The following MTCL2 variants were observed in gnomAD, a reference collection of about 807,000 sequenced individuals.
The protein encoded by MTCL2 is microtubule crosslinking factor 2, also known as microtubule cross-linking factor 2.
At chr20:36,842,054 G>A in the MTCL2 span, among the ~76,000 whole-genome samples, 3 of 152,252 alleles carry the variant, frequency 2.0e-5, no homozygotes, top group South Asian at 6.2e-4. Flanking sequence ...TAAGCAGAGA[G>A]GGTAAGAGTA....
At chr20:36,781,160 T>TTTGA in the MTCL2 span, 1 of 152,210 alleles carries the variant, frequency 6.6e-6, no homozygotes, top group Admixed American at 6.5e-5. Context: ...CCTGAGTAAT[T>TTTGA]AAATCAGTTT....
At chr20:36,820,791 G>A in the MTCL2 span, among the ~76,000 whole-genome samples, 4 of 150,864 alleles carry the variant, frequency 2.7e-5, no homozygotes, top group African/African-American at 7.3e-5. Flanking sequence ...GCAGTGAGCC[G>A]AGATCACACC....
the MTCL2 span, chr20:36,786,075 A>C: frequency 1.0e-6 from 1 of 987,166 alleles, no homozygotes; most frequent in African/African-American, 1.7e-5. Context: ...GTGGATGGTC[A>C]GCAGGAAACA....
chr20:36,852,368 C>A, the MTCL2 span, among the ~76,000 whole-genome samples: 1 of 152,202 alleles, frequency 6.6e-6, no homozygotes, highest in East Asian at 1.9e-4. Context: ...CCGGCAGTGG[C>A]CACAGGGGCG....
At chr20:36,840,795 G>A in the MTCL2 span, among the ~76,000 whole-genome samples, 11 of 151,896 alleles carry the variant, frequency 7.2e-5, no homozygotes, top group African/African-American at 1.9e-4. Flanking sequence ...GCAGTGAGCC[G>A]AGATCGCACC....
At chr20:36,858,725 G>A in the MTCL2 span, among the ~76,000 whole-genome samples, 30 of 152,234 alleles carry the variant, frequency 2.0e-4, no homozygotes, top group African/African-American at 7.0e-4. Context: ...ATGTTTTCTT[G>A]TCTATTCACA....
chr20:36,811,358 G>A, the MTCL2 span, among the ~76,000 whole-genome samples: 1 of 152,218 alleles, frequency 6.6e-6, no homozygotes, highest in Non-Finnish European at 1.5e-5. Flanking sequence ...GCAGGGCACA[G>A]TGGCTCACGC....
chr20:36,817,290 G>GA, the MTCL2 span: 3 of 691,882 alleles, frequency 4.3e-6, no homozygotes, highest in South Asian at 2.2e-5. Context: ...AAAAAGAAAA[G>GA]AAAAAAAGGA....
the MTCL2 span, chr20:36,797,437 A>G: frequency 2.0e-6 from 3 of 1,514,456 alleles, no homozygotes; most frequent in Non-Finnish European, 2.7e-6. Flanking sequence ...CATGTCCCCC[A>G]CAAGCAGGGA....
At chr20:36,845,024 AAAGAAG>A in the MTCL2 span, among the ~76,000 whole-genome samples, 2 of 149,930 alleles carry the variant, frequency 1.3e-5, no homozygotes, top group African/African-American at 5.0e-5. Flanking sequence ...AAAAAAAAAA[AAAGAAG>A]AAGAAGAAGA....
chr20:36,819,495 G>C, the MTCL2 span, among the ~76,000 whole-genome samples: 1 of 151,558 alleles, frequency 6.6e-6, no homozygotes, highest in Non-Finnish European at 1.5e-5. Context: ...ACCAGTTCTT[G>C]ACATAGCTCT....
At chr20:36,848,917 T>G in the MTCL2 span, among the ~76,000 whole-genome samples, 2 of 152,298 alleles carry the variant, frequency 1.3e-5, no homozygotes, top group Non-Finnish European at 2.9e-5. Flanking sequence ...TGCAAAAATG[T>G]CAAAATATTA....
At chr20:36,808,721 G>A in the MTCL2 span, 17 of 1,598,588 alleles carry the variant, frequency 1.1e-5, no homozygotes, top group Admixed American at 1.2e-4. Context: ...CCTCAGGAGC[G>A]CCCTCTGCTG....
At chr20:36,808,598 A>G in the MTCL2 span, 2 of 1,611,826 alleles carry the variant, frequency 1.2e-6, no homozygotes, top group Admixed American at 1.7e-5. Flanking sequence ...GAAGAGCAGC[A>G]GGAAGTTGTG....
At chr20:36,793,321 G>T in the MTCL2 span, 1 of 1,551,826 alleles carries the variant, frequency 6.4e-7, no homozygotes. This position sits in a 1 kb window ranked among gnomAD's most constrained non-coding sequence, Gnocchi z 6.8. Flanking sequence ...GGAGCATGGT[G>T]AGTCTGACCT....
At chr20:36,812,934 GCTCC>G in the MTCL2 span, 5 of 1,474,498 alleles carry the variant, frequency 3.4e-6, no homozygotes, top group Non-Finnish European at 4.5e-6. Context: ...AGGCCTCTGC[GCTCC>G]CTAAGAGGCT....
At chr20:36,802,611 CTTGT>C in the MTCL2 span, among the ~76,000 whole-genome samples, 2 of 152,168 alleles carry the variant, frequency 1.3e-5, no homozygotes, top group Non-Finnish European at 1.5e-5. Context: ...TTGGGAATAG[CTTGT>C]TTAAGAGTAA....
the MTCL2 span, among the ~76,000 whole-genome samples, chr20:36,809,379 T>G: frequency 6.6e-6 from 1 of 152,120 alleles, no homozygotes; most frequent in African/African-American, 2.4e-5. Flanking sequence ...ACTATTATCT[T>G]GATTAGAAGC....
chr20:36,815,408 C>T, the MTCL2 span: 13 of 1,613,110 alleles, frequency 8.1e-6, no homozygotes, highest in East Asian at 2.5e-4. The surrounding 1 kb of genome is among the most constrained non-coding windows in gnomAD (Gnocchi z 5.3). Flanking sequence ...GGAGGCCAGC[C>T]GTGAAGCCAT....
Sources: gnomAD v4.1 joint callset for allele counts (sites outside exome capture counted in the v4.1 genomes callset) on GRCh38, gnomAD v4.1.1 for gene constraint, Gnocchi (gnomAD v3.1) non-coding constraint, MANE v1.5 for transcripts, NCBI Gene and HGNC (gene_info 2026-07-23, HGNC 2026-07-21) for gene names.